ATRNL1: variants seen among roughly 807,000 people sequenced by gnomAD.
ATRNL1 encodes attractin-like protein 1.
ATRNL1 carries 95 observed loss-of-function variants against 182.7 expected under a neutral mutation model. That is an observed-to-expected ratio of 0.52 (90% confidence interval 0.44 to 0.62). ATRNL1 has a LOEUF of 0.62. Among genes scored for constraint, ATRNL1 ranks in the 20% least tolerant of loss-of-function variants. The probability of loss-of-function intolerance (pLI) is 0.00; values close to 1 mark genes in which losing one functional copy is unlikely to be tolerated. For missense variants in ATRNL1, 1,471 were observed against 1,679.5 expected, an observed-to-expected ratio of 0.88 and a Z score of 2.17; for synonymous variants, 576 against 568.3, an observed-to-expected ratio of 1.01 and a Z score of -0.19.
At chr10:115,251,303 T>TTTTAAAAAGCTC (rs1419531941) in intron 10 of ATRNL1, among the ~76,000 whole-genome samples, 1 of 152,188 alleles carries the variant, frequency 6.6e-6, no homozygotes, top group Non-Finnish European at 1.5e-5. Context: ...TATTGTATTA[T>TTTTAAAAAGCTC]CCAGGGGATA....
At chr10:115,270,506 A>C (rs1554912591) in intron 13 of ATRNL1, among the ~76,000 whole-genome samples, 1 of 150,546 alleles carries the variant, frequency 6.6e-6, no homozygotes, top group East Asian at 1.9e-4. Context: ...TGTGGTTATG[A>C]AGGATGAAAA....
intron 25 of ATRNL1, among the ~76,000 whole-genome samples, chr10:115,529,937 C>A (rs561949784): frequency 6.6e-6 from 1 of 152,190 alleles, no homozygotes; most frequent in Non-Finnish European, 1.5e-5. Context: ...TACTTTCTGT[C>A]CATAGATTTG....
intron 5 of ATRNL1, among the ~76,000 whole-genome samples, chr10:115,156,771 CAG>C (rs1846538651): frequency 6.6e-6 from 1 of 151,976 alleles, no homozygotes; most frequent in South Asian, 2.1e-4. Flanking sequence ...AAAAGTAATG[CAG>C]AGAGAGTTAT....
At chr10:115,472,371 A>G (rs1156833519) in intron 24 of ATRNL1, among the ~76,000 whole-genome samples, 2 of 150,682 alleles carry the variant, frequency 1.3e-5, no homozygotes, top group Non-Finnish European at 3.0e-5. Flanking sequence ...TTTTTTCTAT[A>G]TCTGTGAAAA....
intron 9 of ATRNL1, among the ~76,000 whole-genome samples, chr10:115,240,835 A>G (rs782760750): frequency 1.3e-5 from 2 of 152,050 alleles, no homozygotes; most frequent in African/African-American, 2.4e-5. Flanking sequence ...AAGAACATTT[A>G]TATTAATTTT....
chr10:115,374,918 G>T (rs1310485932), intron 19 of ATRNL1, among the ~76,000 whole-genome samples: 3 of 151,770 alleles, frequency 2.0e-5, no homozygotes, highest in African/African-American at 7.2e-5. Context: ...AAAGTTCCTT[G>T]TGTGTTTGAG....
At chr10:115,682,518 G>A (rs1411439732) in intron 26 of ATRNL1, among the ~76,000 whole-genome samples, 2 of 152,032 alleles carry the variant, frequency 1.3e-5, no homozygotes, top group African/African-American at 2.4e-5. Flanking sequence ...TCCACCTTGG[G>A]CAACAGAGTG....
intron 25 of ATRNL1, among the ~76,000 whole-genome samples, chr10:115,542,680 T>G (rs1852426734): frequency 6.6e-6 from 1 of 152,188 alleles, no homozygotes; most frequent in African/African-American, 2.4e-5. Context: ...CTTTGGGAAG[T>G]GTCTTAGTGT....
At chr10:115,561,516 ATAAG>A (rs1348324988) in intron 26 of ATRNL1, among the ~76,000 whole-genome samples, 1 of 152,218 alleles carries the variant, frequency 6.6e-6, no homozygotes, top group Admixed American at 6.5e-5. Flanking sequence ...ATTGGGCACT[ATAAG>A]TAATCTAGAA....
intron 26 of ATRNL1, among the ~76,000 whole-genome samples, chr10:115,668,075 G>C (rs1861104311): frequency 6.6e-6 from 1 of 152,126 alleles, no homozygotes; most frequent in Admixed American, 6.6e-5. Context: ...AGGAGGGATT[G>C]CTGGTAGCCA....
At chr10:115,811,774 T>C (rs1439804638) in intron 27 of ATRNL1, among the ~76,000 whole-genome samples, 1 of 152,058 alleles carries the variant, frequency 6.6e-6, no homozygotes, top group Non-Finnish European at 1.5e-5. Context: ...AAGTCGTCTC[T>C]TTGTGCCTTT....
intron 1 of ATRNL1, among the ~76,000 whole-genome samples, chr10:115,107,140 C>T (rs1844047523): frequency 6.6e-6 from 1 of 152,194 alleles, no homozygotes. Context: ...AGAGCCTTCA[C>T]TCAGTCCAGC....
At chr10:115,869,614 A>G (rs995283993) in intron 28 of ATRNL1, among the ~76,000 whole-genome samples, 6 of 152,140 alleles carry the variant, frequency 3.9e-5, no homozygotes, top group Non-Finnish European at 5.9e-5. Context: ...CCCGTAGCTC[A>G]TGGCTATTTA....
rs199707094 is a variant in ATRNL1 at position 115,511,756 on chromosome 10, T to A, written c.3655-7507T>A. 3.9e-5 allele frequency among the ~76,000 whole-genome samples: 6 copies of A among 151,904 alleles called. No homozygotes were observed. In the East Asian group the frequency reaches 9.7e-4, roughly 24 times the overall value. On this transcript the variant is annotated intron_variant, in intron 24 of 28. Coordinates refer to ENST00000355044, the MANE Select transcript of ATRNL1 (RefSeq NM_207303.4). ...ATTAATTCATTAAAAATATAGCATA[T>A]CTTAAATTCAAGTTTTAGATTTTGG...
intron 19 of ATRNL1, among the ~76,000 whole-genome samples, chr10:115,361,415 A>T (rs1554944175): frequency 6.6e-6 from 1 of 152,000 alleles, no homozygotes; most frequent in Non-Finnish European, 1.5e-5. Context: ...GCTAGCATTT[A>T]TCAAGCAGCT....
intron 1 of ATRNL1, among the ~76,000 whole-genome samples, chr10:115,109,894 G>T (rs749812666): frequency 6.6e-4 from 101 of 152,272 alleles, no homozygotes; most frequent in South Asian, 6.2e-4. Context: ...AGCATATTTA[G>T]AGAGTGGTAC....
chr10:115,193,774 T>C (rs1848253393), intron 8 of ATRNL1, among the ~76,000 whole-genome samples: 1 of 151,922 alleles, frequency 6.6e-6, no homozygotes, highest in Non-Finnish European at 1.5e-5. Flanking sequence ...CTTTGTGTTC[T>C]TTAAGATGTG....
intron 28 of ATRNL1, among the ~76,000 whole-genome samples, chr10:115,932,511 A>T (rs1953431373): frequency 6.6e-6 from 1 of 152,170 alleles, no homozygotes; most frequent in South Asian, 2.1e-4. Context: ...AAAAATCATG[A>T]TTCTCTACAC....
chr10:115,700,388 G>C (rs1169424966), intron 26 of ATRNL1, among the ~76,000 whole-genome samples: 1 of 152,104 alleles, frequency 6.6e-6, no homozygotes, highest in African/African-American at 2.4e-5. Context: ...ATTCTGGCTG[G>C]TGTGAGATGG....
Sources: allele counts gnomAD v4.1 joint callset (sites outside exome capture counted in the v4.1 genomes callset), GRCh38; gene constraint gnomAD v4.1.1; transcripts MANE v1.5; gene names NCBI Gene and HGNC (gene_info 2026-07-23, HGNC 2026-07-21).